WASHC2C: variants seen among roughly 807,000 people sequenced by gnomAD.
WASHC2C encodes the protein Vaccinia Penetration Factor.
In WASHC2C, 73 loss-of-function variants were observed where a neutral mutation model predicts 142.2. The ratio of observed to expected loss-of-function variants is 0.51; its 90% CI spans 0.43 to 0.62. The LOEUF (loss-of-function observed/expected upper bound fraction) is 0.62, where lower values mean the gene tolerates loss of function less well. Among genes scored for constraint, WASHC2C ranks in the 20% least tolerant of loss-of-function variants. The probability of loss-of-function intolerance (pLI) is 0.00; values close to 1 mark genes in which losing one functional copy is unlikely to be tolerated. For synonymous variants in WASHC2C, 337 were observed against 565.5 expected (o/e 0.60, Z 5.73); for missense variants, 969 against 1,531.7 (o/e 0.63, Z 6.13).
chr10:45,772,010 A>G (rs1351228961), intron 20 of WASHC2C, among the ~76,000 whole-genome samples: 1 of 152,268 alleles, frequency 6.6e-6, no homozygotes, highest in Non-Finnish European at 1.5e-5. Context: ...ATGTCCATCA[A>G]CTGATGACTG....
chr10:45,747,474 G>C (rs556618497), intron 8 of WASHC2C, among the ~76,000 whole-genome samples: 1 of 152,250 alleles, frequency 6.6e-6, no homozygotes, highest in East Asian at 1.9e-4. Flanking sequence ...TGCAGTTTGC[G>C]TTGTAAACTT....
chr10:45,747,231 C>T (rs1444232975), intron 8 of WASHC2C, among the ~76,000 whole-genome samples: 1 of 152,116 alleles, frequency 6.6e-6, no homozygotes, highest in East Asian at 1.9e-4. Context: ...ACCTCCGCCT[C>T]CTGGGTTCAA....
chr10:45,764,664 G>A (rs1299357588), intron 18 of WASHC2C, among the ~76,000 whole-genome samples: 1 of 152,264 alleles, frequency 6.6e-6, no homozygotes, highest in East Asian at 1.9e-4. Context: ...TCAGACCCCT[G>A]GGTTCATATC....
chr10:45,735,646 G>A (rs1369393932), intron 3 of WASHC2C, among the ~76,000 whole-genome samples: 1 of 152,214 alleles, frequency 6.6e-6, no homozygotes, highest in East Asian at 1.9e-4. Context: ...GTGACTTTCT[G>A]CTGGAAATCA....
Position 45,750,142 on chromosome 10 carries a change from A to G in WASHC2C, c.779A>G (p.Asp260Gly). ...GAGGAAGAGGATGATGATGGCTGTG[A>G]CCTTTTTGCTGACTCTGAGAAGGAG... Reference protein sequence around the residue: ...SDEEEDDDGCDLFADSEKEEE... With the variant: ...SDEEEDDDGCGLFADSEKEEE... The change falls in exon 9 of 31, where the codon GAC becomes GGC. Residue 260 changes from aspartate (D) to glycine (G), a missense_variant. Physicochemically the swap from Asp to Gly is moderately conservative, Grantham distance 94. Coordinates refer to ENST00000623400, the MANE Select transcript of WASHC2C (RefSeq NM_001330074.2). 6.2e-7 allele frequency: 1 copy of G among 1,611,526 alleles called. No homozygotes were observed. Among genetic ancestry groups the G allele is most frequent in the Non-Finnish European group, 8.5e-7 (1 of 1,179,772 alleles).
chr10:45,732,293 A>G (rs2050702382), intron 3 of WASHC2C, among the ~76,000 whole-genome samples: 1 of 152,184 alleles, frequency 6.6e-6, no homozygotes, highest in Admixed American at 6.6e-5. Context: ...TAGTGAAACA[A>G]TCCGTACTTT....
chr10:45,772,843 A>T (rs1358980846), intron 20 of WASHC2C, among the ~76,000 whole-genome samples: 2 of 152,252 alleles, frequency 1.3e-5, no homozygotes, highest in Non-Finnish European at 2.9e-5. Context: ...CCCAGTGCTA[A>T]TCCTGGCCCT....
At chr10:45,783,381 A>T (rs2057669855) in intron 23 of WASHC2C, among the ~76,000 whole-genome samples, 1 of 152,226 alleles carries the variant, frequency 6.6e-6, no homozygotes, top group Non-Finnish European at 1.5e-5. Flanking sequence ...ACTCATTTTT[A>T]TATGTAACAA....
intron 19 of WASHC2C, among the ~76,000 whole-genome samples, chr10:45,768,234 GAAAAAAAAAAAA>G (rs1169870861): frequency 1.3e-5 from 1 of 76,488 alleles, no homozygotes; most frequent in African/African-American, 5.1e-5. Flanking sequence ...CTCGAAAAAG[GAAAAAAAAAAAA>G]AAAAAAAAAG....
chr10:45,756,900 A>C (rs1206981785), intron 15 of WASHC2C, 112 bp from the exon 16 acceptor site: 13 of 843,064 alleles, frequency 1.5e-5, no homozygotes, highest in African/African-American at 5.2e-5. Flanking sequence ...TAATCAAGAA[A>C]CAACATAACT....
At chr10:45,762,047 ATCT>A (rs1269967511) in intron 17 of WASHC2C, among the ~76,000 whole-genome samples, 1 of 151,198 alleles carries the variant, frequency 6.6e-6, no homozygotes, top group African/African-American at 2.4e-5. Flanking sequence ...TCTTAGAAAT[ATCT>A]TCTTGTCCTA....
At chr10:45,769,243 A>G (rs151279711) in intron 19 of WASHC2C, among the ~76,000 whole-genome samples, 11,331 of 134,776 alleles carry the variant, frequency 0.084, 429 homozygotes, top group East Asian at 0.15. Context: ...TCAGCCTCCC[A>G]AGTAGCTGGG....
intron 21 of WASHC2C, among the ~76,000 whole-genome samples, chr10:45,774,452 C>T (rs2135461843): frequency 5.3e-4 from 1 of 1,894 alleles, no homozygotes; most frequent in Non-Finnish European, 1.3e-3. Context: ...AGCTGTAAAA[C>T]TTCTTTCAAC....
At chr10:45,742,432 A>G (rs1363871204) in intron 5 of WASHC2C, among the ~76,000 whole-genome samples, 3 of 151,760 alleles carry the variant, frequency 2.0e-5, no homozygotes, top group African/African-American at 7.3e-5. Flanking sequence ...CTCCTGTCTT[A>G]GTCTCCTGAG....
At chr10:45,772,169 C>G (rs2056656239) in intron 20 of WASHC2C, among the ~76,000 whole-genome samples, 1 of 151,972 alleles carries the variant, frequency 6.6e-6, no homozygotes, top group South Asian at 2.1e-4. Context: ...TTGTATTGTT[C>G]CATTTATATG....
chr10:45,757,132 A>T lies in WASHC2C; in HGVS notation c.1541A>T (p.Glu514Val). ...ACAGATGAAAATAAAGCAAGAGCAG[A>T]AAAAAAGGTGAGCAGGAGGGAAGAC... ...SQTDENKARA[E>V]KKVTLSYSKN... The change falls in exon 16 of 31, where the codon GAA (glutamate) becomes GTA (valine). Residue 514 changes from glutamate to valine, a missense_variant. Physicochemically the swap from Glu to Val is moderately radical, Grantham distance 121 (BLOSUM62 -2). Coordinates refer to ENST00000623400, the MANE Select transcript of WASHC2C (RefSeq NM_001330074.2). 1 of 1,601,026 alleles carries T rather than the reference A, an allele frequency of 6.2e-7. No homozygotes were observed. The highest frequency in any genetic ancestry group is 2.3e-4 in the Middle Eastern group (1 of 4,354).
chr10:45,759,733 C>T (rs1309757809), intron 17 of WASHC2C, among the ~76,000 whole-genome samples: 1 of 152,050 alleles, frequency 6.6e-6, no homozygotes, highest in Non-Finnish European at 1.5e-5. Flanking sequence ...ATAGGAGATT[C>T]ACTTGAACCC....
intron 3 of WASHC2C, chr10:45,737,588 A>C (rs2051420145): frequency 1.0e-6 from 1 of 958,586 alleles, no homozygotes; most frequent in African/African-American, 1.6e-5. Context: ...CTAGTTTCCT[A>C]GTTGATAAAT....
rs1199440572 is a variant in WASHC2C at position 45,749,857 on chromosome 10, TTATA to T, written c.733-227_733-224del. 3.4e-5 allele frequency among the ~76,000 whole-genome samples: 3 copies of T among 88,810 alleles called. 1 individual carries two copies. The highest frequency in any genetic ancestry group is 1.3e-4 in the African/African-American group (3 of 22,686). 58.3% of individuals were successfully genotyped at this position (88,810 alleles called of 152,430 possible). ...AAAAAATATATATATATATATATAT[TTATA>T]TATATATATATTTATATTTTATATA... is the stretch of plus-strand genomic sequence containing the variant. On this transcript the variant is annotated intron_variant, in intron 8 of 30. Transcript: ENST00000623400.
Sources: gnomAD v4.1 joint callset for allele counts (sites outside exome capture counted in the v4.1 genomes callset) on GRCh38, gnomAD v4.1.1 for gene constraint, MANE v1.5 for transcripts, NCBI Gene and HGNC (gene_info 2026-07-23, HGNC 2026-07-21) for gene names.